Variants in SYN3 observed in about 807,000 individuals in gnomAD.
The protein encoded by SYN3 is synapsin III.
In SYN3, 35 loss-of-function variants were observed where a neutral mutation model predicts 65.8. The ratio of observed to expected loss-of-function variants is 0.53; its 90% CI spans 0.41 to 0.70. The LOEUF is 0.70. Among genes scored for constraint, SYN3 ranks in the 30% least tolerant of loss-of-function variants. The pLI is 0.00. For synonymous variants in SYN3, 270 were observed against 292.9 expected (o/e 0.92, Z 0.80); for missense variants, 680 against 749.0 (o/e 0.91, Z 1.08).
rs1035562394 is a variant in SYN3, at chr22:32,509,931, A to T, written c.*3761T>A. 1.3e-5 allele frequency among the ~76,000 whole-genome samples: 2 copies of T among 152,120 alleles called. No homozygotes were observed. Among genetic ancestry groups the T allele is most frequent in the Admixed American group, 6.5e-5 (1 of 15,270 alleles). On this transcript the variant is annotated 3_prime_UTR_variant, in exon 14 of 14. Coordinates refer to ENST00000358763, the MANE Select transcript of SYN3 (RefSeq NM_003490.4). Reference sequence around the variant, plus strand: ...AGTGTTATGTCATGGATCTGGATATATGAGTATGGTTATAAAAATCAGGAT... The same window carrying T: ...AGTGTTATGTCATGGATCTGGATATTTGAGTATGGTTATAAAAATCAGGAT...
chr22:32,673,704 G>A (rs936993547), intron 6 of SYN3, among the ~76,000 whole-genome samples: 1 of 152,324 alleles, frequency 6.6e-6, no homozygotes, highest in East Asian at 1.9e-4. Flanking sequence ...GGCAGAGGGC[G>A]TATTCTAGAC....
At chr22:32,553,421 A>G (rs1339260797) in intron 7 of SYN3, among the ~76,000 whole-genome samples, 1 of 152,236 alleles carries the variant, frequency 6.6e-6, no homozygotes, top group Non-Finnish European at 1.5e-5. Flanking sequence ...AAAAAAAATA[A>G]TTCTAAACCT....
At chr22:32,540,016 A>C (rs1425612803) in intron 8 of SYN3, among the ~76,000 whole-genome samples, 3 of 152,148 alleles carry the variant, frequency 2.0e-5, no homozygotes, top group Non-Finnish European at 4.4e-5. Flanking sequence ...GATTAGTGGA[A>C]TAGGGCAGTT....
At chr22:32,829,600 G>A (rs1391979894) in intron 6 of SYN3, among the ~76,000 whole-genome samples, 2 of 152,234 alleles carry the variant, frequency 1.3e-5, no homozygotes, top group Non-Finnish European at 2.9e-5. Flanking sequence ...TAATTGGCCT[G>A]GGTCTGGCCT....
At chr22:32,929,615 G>A (rs2050573031) in intron 4 of SYN3, among the ~76,000 whole-genome samples, 1 of 152,160 alleles carries the variant, frequency 6.6e-6, no homozygotes, top group African/African-American at 2.4e-5. Context: ...CAATGCCTGA[G>A]GTTTCCTGGA....
At chr22:32,789,790 G>C (rs905716461) in intron 6 of SYN3, among the ~76,000 whole-genome samples, 1 of 152,202 alleles carries the variant, frequency 6.6e-6, no homozygotes, top group African/African-American at 2.4e-5. Flanking sequence ...TTTCTAAAGA[G>C]GGAAAGTTAC....
intron 6 of SYN3, among the ~76,000 whole-genome samples, chr22:32,739,745 C>T (rs2061381289): frequency 6.6e-6 from 1 of 152,226 alleles, no homozygotes; most frequent in African/African-American, 2.4e-5. Flanking sequence ...CTGTAATTGA[C>T]TAGTTAGTTC....
At chr22:32,675,279 A>G (rs1363030685) in intron 6 of SYN3, among the ~76,000 whole-genome samples, 1 of 152,106 alleles carries the variant, frequency 6.6e-6, no homozygotes, top group Admixed American at 6.6e-5. Context: ...GCCTTGTCAT[A>G]TATCTTCCAG....
At chr22:32,830,522 G>A (rs1325379114) in intron 6 of SYN3, among the ~76,000 whole-genome samples, 1 of 152,146 alleles carries the variant, frequency 6.6e-6, no homozygotes, top group Non-Finnish European at 1.5e-5. Flanking sequence ...GCCAAATCCT[G>A]GAACGGAAGC....
intron 6 of SYN3, among the ~76,000 whole-genome samples, chr22:32,720,707 G>T (rs1187364798): frequency 1.3e-5 from 2 of 152,190 alleles, no homozygotes; most frequent in African/African-American, 4.8e-5. Flanking sequence ...CAAAGCCCGT[G>T]GCCTTCCCAC....
intron 7 of SYN3, among the ~76,000 whole-genome samples, chr22:32,572,419 C>CT (rs2058783774): frequency 2.7e-4 from 1 of 3,720 alleles, no homozygotes; most frequent in Non-Finnish European, 6.9e-4. Flanking sequence ...GTCTTTCCTT[C>CT]CTTCTTCCTT....
At chr22:32,966,303 A>C (rs1360749646) in intron 3 of SYN3, among the ~76,000 whole-genome samples, 1 of 152,142 alleles carries the variant, frequency 6.6e-6, no homozygotes, top group Non-Finnish European at 1.5e-5. Context: ...AAATCTAAGA[A>C]AGGATGTCCC....
At chr22:32,892,980 C>A (rs2049494060) in intron 4 of SYN3, among the ~76,000 whole-genome samples, 1 of 152,098 alleles carries the variant, frequency 6.6e-6, no homozygotes, top group African/African-American at 2.4e-5. Context: ...AAGAAGAAAC[C>A]AGGAAATGCC....
At chr22:33,046,658 T>G (rs746480592) in intron 1 of SYN3, among the ~76,000 whole-genome samples, 8 of 151,888 alleles carry the variant, frequency 5.3e-5, no homozygotes, top group Non-Finnish European at 8.8e-5. Flanking sequence ...CTGGCCAACA[T>G]GGTAAAACCC....
At chr22:32,742,285 ATAAATAAATAAG>A (rs1376827547) in intron 6 of SYN3, among the ~76,000 whole-genome samples, 1 of 152,114 alleles carries the variant, frequency 6.6e-6, no homozygotes, top group African/African-American at 2.4e-5. Flanking sequence ...AAATAAATAA[ATAAATAAATAAG>A]TAAATAAATA....
chr22:32,524,612 A>C (rs920742244), intron 12 of SYN3, among the ~76,000 whole-genome samples: 1 of 152,240 alleles, frequency 6.6e-6, no homozygotes, highest in Non-Finnish European at 1.5e-5. Context: ...AATAGTTCTG[A>C]TGGAGATGTA....
At chr22:32,533,953 A>C in intron 9 of SYN3, 58 bp from the exon 10 acceptor site, 1 of 1,208,464 alleles carries the variant, frequency 8.3e-7, no homozygotes. Context: ...AAGCGGGTAG[A>C]GGGAGAGAAG....
intron 1 of SYN3, among the ~76,000 whole-genome samples, chr22:33,055,304 C>T (rs1023435402): frequency 1.3e-5 from 2 of 152,226 alleles, no homozygotes; most frequent in African/African-American, 2.4e-5. Flanking sequence ...CCTTCAAACT[C>T]ATCTCGGGCC....
intron 9 of SYN3, among the ~76,000 whole-genome samples, chr22:32,534,589 T>C (rs1174475111): frequency 6.6e-6 from 1 of 152,336 alleles, no homozygotes. Context: ...ACTCTGACCC[T>C]GCAACAAGGG....
Sources: gnomAD v4.1 joint callset for allele counts (sites outside exome capture counted in the v4.1 genomes callset) on GRCh38, gnomAD v4.1.1 for gene constraint, MANE v1.5 for transcripts, NCBI Gene and HGNC (gene_info 2026-07-23, HGNC 2026-07-21) for gene names.